PHACTR2: variants seen among roughly 807,000 people sequenced by gnomAD.
PHACTR2 encodes the protein chromosome 6 open reading frame 56.
Under a neutral mutation model 76.0 loss-of-function variants are expected in PHACTR2, and 30 were observed. The observed-to-expected ratio is 0.39, with a 90% confidence interval of 0.30 to 0.54. PHACTR2 has a LOEUF of 0.54. Ranked by LOEUF, PHACTR2 falls within the 20% of genes least tolerant of loss-of-function variation. The pLI is 0.61. For missense variants in PHACTR2, 696 were observed against 781.1 expected (o/e 0.89, Z 1.30); for synonymous variants, 292 against 292.5 (o/e 1.00, Z 0.02).
chr6:143,811,996 T>C lies in PHACTR2; in HGVS notation c.1922+4863T>C, dbSNP rs370457746. 9.9e-5 allele frequency among the ~76,000 whole-genome samples: 15 copies of C among 152,188 alleles called. No individual in the cohort carries two copies. The highest frequency in any genetic ancestry group is 2.6e-4 in the Admixed American group (4 of 15,274). The stretch of plus-strand genomic sequence containing the variant: ...ACACAGCAGCTCTCCTTTCCTCTTA[T>C]TAGCATGAGACATTGTCTCCTTATA... On this transcript the variant is annotated intron_variant, in intron 12 of 12. Transcript: ENST00000440869. The surrounding 1 kb of genome is among the most constrained non-coding windows in gnomAD (Gnocchi z 4.1).
intron 1 of PHACTR2, among the ~76,000 whole-genome samples, chr6:143,691,768 T>C (rs933818602): frequency 6.6e-6 from 1 of 152,164 alleles, no homozygotes; most frequent in Non-Finnish European, 1.5e-5. Context: ...AGCTGTTTAA[T>C]AATGAGAAGG....
In PHACTR2 at chr6:143,599,760, AC is replaced by A. The variant is rs1775794385; in HGVS notation, c.217+62556del. On this transcript the variant is annotated intron_variant, in intron 1 of 11. Transcript: ENST00000367584. The surrounding 1 kb of genome is among the most constrained non-coding windows in gnomAD (Gnocchi z 4.6). ...TTTCTATGCTGTATTAAGACATACCACCCTTTCTTTATAGAGTCATGAGTCT... is the reference window on the plus strand; with the variant it reads ...TTTCTATGCTGTATTAAGACATACCACCTTTCTTTATAGAGTCATGAGTCT... Among the ~76,000 whole-genome samples the A allele has an allele frequency of 6.6e-6, 1 of 151,924 alleles. No homozygotes were observed. Among genetic ancestry groups the A allele is most frequent in the African/African-American group, 2.4e-5 (1 of 41,350 alleles).
intron 1 of PHACTR2, among the ~76,000 whole-genome samples, chr6:143,629,777 A>T (rs942963544): frequency 3.9e-5 from 6 of 152,160 alleles, no homozygotes; most frequent in African/African-American, 1.4e-4. Context: ...CTCTTCCATG[A>T]TGAGAATGTC....
rs73778700 is a variant in PHACTR2, at chr6:143,823,066, A to C, written c.1923-608A>C. ...TGCTAATCTGAGGTTTCTAGACCAAAAATATTTTTAAAGATAGAATATTAA... is the reference window on the plus strand; with the variant it reads ...TGCTAATCTGAGGTTTCTAGACCAACAATATTTTTAAAGATAGAATATTAA... On this transcript the variant is annotated intron_variant, in intron 12 of 12. Transcript: ENST00000440869. This position sits in a 1 kb window ranked among gnomAD's most constrained non-coding sequence, Gnocchi z 5.7. Among the ~76,000 whole-genome samples the C allele has an allele frequency of 2.4e-3, 361 of 152,338 alleles. 2 individuals carry two copies. Among genetic ancestry groups the C allele is most frequent in the African/African-American group, 8.3e-3 (346 of 41,576 alleles).
chr6:143,609,500 GTA>G (rs1417209870), intron 1 of PHACTR2, among the ~76,000 whole-genome samples: 2 of 152,188 alleles, frequency 1.3e-5, no homozygotes, highest in East Asian at 3.9e-4. Context: ...CTGGATGCAT[GTA>G]TATGGATTAT....
chr6:143,765,144 T>G lies in PHACTR2; in HGVS notation c.695-117T>G. On this transcript the variant is annotated intron_variant, in intron 5 of 12. Coordinates refer to ENST00000440869, the MANE Select transcript of PHACTR2 (RefSeq NM_001100164.2). The surrounding 1 kb of genome is among the most constrained non-coding windows in gnomAD (Gnocchi z 4.1). ...ATTAGCCTATTTTCTCTTATACATT[T>G]ATTCAACAAACTTTAAAGGGAACAT... 1 of 795,840 alleles carries G rather than the reference T, an allele frequency of 1.3e-6. No individual in the cohort carries two copies. The highest frequency in any genetic ancestry group is 2.0e-6 in the Non-Finnish European group (1 of 498,296). 49.3% of individuals were successfully genotyped at this position (795,840 alleles called of 1,614,324 possible).
At chr6:143,721,171 T>C (rs2128463305) in intron 2 of PHACTR2, among the ~76,000 whole-genome samples, 1 of 152,336 alleles carries the variant, frequency 6.6e-6, no homozygotes, top group East Asian at 1.9e-4. Context: ...CAGTATCAAG[T>C]CCTATTGAGA....
intron 1 of PHACTR2, among the ~76,000 whole-genome samples, chr6:143,601,850 T>G (rs1582691899): frequency 6.6e-6 from 1 of 152,176 alleles, no homozygotes; most frequent in Non-Finnish European, 1.5e-5. Flanking sequence ...CAGTGGAAGG[T>G]CTTTTTTGTT....
chr6:143,545,090 T>G (rs1052890931), intron 1 of PHACTR2, among the ~76,000 whole-genome samples: 1 of 152,108 alleles, frequency 6.6e-6, no homozygotes, highest in African/African-American at 2.4e-5. Flanking sequence ...ACTACAGGCA[T>G]GTGCCATCAT....
rs1486661537 is a variant in PHACTR2, at chr6:143,627,170, T to G, written c.13+18848T>G. On this transcript the variant is annotated intron_variant, in intron 1 of 11. Transcript: ENST00000305766. The surrounding 1 kb of genome is among the most constrained non-coding windows in gnomAD (Gnocchi z 4.3). The stretch of plus-strand genomic sequence containing the variant: ...CCAGGAGGGAAGTGCCACTTGGTGA[T>G]GTAGGGGAGGCTCCAAGGGTGATGA... 6.6e-6 allele frequency among the ~76,000 whole-genome samples: 1 copy of G among 152,212 alleles called. No homozygotes were observed. Among genetic ancestry groups the G allele is most frequent in the Non-Finnish European group, 1.5e-5 (1 of 68,034 alleles).
chr6:143,560,551 A>C (rs908273637), intron 1 of PHACTR2, among the ~76,000 whole-genome samples: 1 of 152,258 alleles, frequency 6.6e-6, no homozygotes, highest in Non-Finnish European at 1.5e-5. Context: ...AATGAGTAAG[A>C]TACCATTAGT....
chr6:143,709,339 G>A lies in PHACTR2; in HGVS notation c.47-2677G>A, dbSNP rs539500814. The stretch of plus-strand genomic sequence containing the variant: ...TGCCCAGATAGTACCTGAAATTAGA[G>A]TAGACTTCACTAGTGGAAGGAATAG... On this transcript the variant is annotated intron_variant, in intron 1 of 12. Transcript: ENST00000440869. This position sits in a 1 kb window ranked among gnomAD's most constrained non-coding sequence, Gnocchi z 4.4. Among the ~76,000 whole-genome samples, 2 of 152,160 alleles carry A rather than the reference G, an allele frequency of 1.3e-5. No homozygotes were observed. Among genetic ancestry groups the A allele is most frequent in the South Asian group, 2.1e-4 (1 of 4,834 alleles).
intron 5 of PHACTR2, among the ~76,000 whole-genome samples, chr6:143,762,784 T>C (rs1409535675): frequency 6.6e-6 from 1 of 152,222 alleles, no homozygotes; most frequent in Non-Finnish European, 1.5e-5. Flanking sequence ...ATTCAGCTTC[T>C]TTGCCAGAGA....
At position 143,618,820 on chromosome 6, in the gene PHACTR2, G is replaced by A. The variant is rs1776102645; in HGVS notation, c.13+10498G>A. 6.6e-6 allele frequency among the ~76,000 whole-genome samples: 1 copy of A among 151,846 alleles called. No individual in the cohort carries two copies. The highest frequency in any genetic ancestry group is 6.6e-5 in the Admixed American group (1 of 15,230). On this transcript the variant is annotated intron_variant, in intron 1 of 11. Coordinates refer to the PHACTR2 transcript ENST00000305766. The surrounding 1 kb of genome is among the most constrained non-coding windows in gnomAD (Gnocchi z 5.2). ...TTCTCACTCCTCTCCTCTCCTCCCC[G>A]AAAACTCTCTTCTACCCCTGTTGGA... is the stretch of plus-strand genomic sequence containing the variant.
chr6:143,784,951 C>T lies in PHACTR2; in HGVS notation c.1707+1671C>T, dbSNP rs7757545. ...CAACACATGGGAATTCTGGGAGATA[C>T]AATTCAAGTTGAGATTTGGGTGGGG... On this transcript the variant is annotated intron_variant, in intron 10 of 12. Transcript: ENST00000440869. This position sits in a 1 kb window ranked among gnomAD's most constrained non-coding sequence, Gnocchi z 4.5. Among the ~76,000 whole-genome samples the T allele has an allele frequency of 0.28, 42,846 of 151,962 alleles. 6,228 individuals carry two copies. The highest frequency in any genetic ancestry group is 0.32 in the East Asian group (1,668 of 5,156).
chr6:143,822,862 CA>C lies in PHACTR2; in HGVS notation c.1923-807del, dbSNP rs1459554852. On this transcript the variant is annotated intron_variant, in intron 12 of 12. Transcript: ENST00000440869. This position sits in a 1 kb window ranked among gnomAD's most constrained non-coding sequence, Gnocchi z 5.5. ...CAGCATGTTCAAAAGCACCGGGCTA[CA>C]AAAATGCAAGGAATGTTCAGGAACT... Among the ~76,000 whole-genome samples the C allele has an allele frequency of 2.0e-5, 3 of 152,024 alleles. No homozygotes were observed.
chr6:143,579,257 G>T (rs1171365407), intron 1 of PHACTR2, among the ~76,000 whole-genome samples: 3 of 152,222 alleles, frequency 2.0e-5, no homozygotes, highest in African/African-American at 7.2e-5. Flanking sequence ...AGAAGGGAAA[G>T]GTGTACTGGG....
intron 1 of PHACTR2, among the ~76,000 whole-genome samples, chr6:143,626,398 G>T (rs1404528004): frequency 6.6e-6 from 1 of 151,898 alleles, no homozygotes; most frequent in African/African-American, 2.4e-5. Context: ...TTAGCCGGGC[G>T]CGGTGGTGGG....
rs1776215571 is a variant in PHACTR2, at chr6:143,624,314, C to A, written c.13+15992C>A. On this transcript the variant is annotated intron_variant, in intron 1 of 11. Transcript: ENST00000305766. The surrounding 1 kb of genome is among the most constrained non-coding windows in gnomAD (Gnocchi z 4.6). ...GCGAGACAGGGTTTCCCCCTGTTGGCCAGGCTGGTCTCGAACTCCTGACCT... is the reference window on the plus strand; with the variant it reads ...GCGAGACAGGGTTTCCCCCTGTTGGACAGGCTGGTCTCGAACTCCTGACCT... Among the ~76,000 whole-genome samples the A allele has an allele frequency of 6.6e-6, 1 of 152,108 alleles. No homozygotes were observed. Among genetic ancestry groups the A allele is most frequent in the Non-Finnish European group, 1.5e-5 (1 of 68,004 alleles).
Sources: allele counts gnomAD v4.1 joint callset (sites outside exome capture counted in the v4.1 genomes callset), GRCh38; gene constraint gnomAD v4.1.1; non-coding constraint Gnocchi (gnomAD v3.1); transcripts MANE v1.5; gene names NCBI Gene and HGNC (gene_info 2026-07-23, HGNC 2026-07-21).